LRRC4C: variants seen among roughly 807,000 people sequenced by gnomAD.
LRRC4C encodes the protein leucine-rich repeat-containing protein 4C.
A neutral mutation model predicts 33.6 loss-of-function variants in LRRC4C; 5 were observed. That is an observed-to-expected ratio of 0.15 (90% CI 0.08 to 0.31). LRRC4C has a LOEUF of 0.31. Among genes scored for constraint, LRRC4C ranks in the 10% least tolerant of loss-of-function variants. LRRC4C has a pLI of 1.00. For synonymous variants in LRRC4C, 329 were observed against 302.0 expected (o/e 1.09, Z -0.93); for missense variants, 560 against 796.7 (o/e 0.70, Z 3.58).
chr11:40,976,366 TAAGCAAGGGTTCTG>T (rs1274295970), intron 1 of LRRC4C, among the ~76,000 whole-genome samples: 1 of 152,176 alleles, frequency 6.6e-6, no homozygotes. Context: ...TGTGTATTCA[TAAGCAAGGGTTCTG>T]AAGAAAACAA....
intron 1 of LRRC4C, among the ~76,000 whole-genome samples, chr11:41,024,771 G>A (rs1856224971): frequency 6.6e-6 from 1 of 151,448 alleles, no homozygotes; most frequent in Non-Finnish European, 1.5e-5. Context: ...TTGCTTTATT[G>A]TGCTTTGCAG....
chr11:40,266,757 A>G (rs1207740058), intron 4 of LRRC4C, among the ~76,000 whole-genome samples: 1 of 152,192 alleles, frequency 6.6e-6, no homozygotes, highest in Non-Finnish European at 1.5e-5. Flanking sequence ...AAGAAAACTG[A>G]TGAAGGAAGA....
Position 40,219,037 on chromosome 11 carries a change from T to C in LRRC4C, c.-96+22482A>G, listed in dbSNP as rs182354747. 2.6e-5 allele frequency among the ~76,000 whole-genome samples: 4 copies of C among 152,280 alleles called. No homozygotes were observed. In the East Asian group the frequency reaches 7.7e-4, roughly 29 times the overall value. ...AGATGCATTTTTTGACCACTCTATT[T>C]ATAATTGCAATCACTTTTCTATGCC... On this transcript the variant is annotated intron_variant, in intron 5 of 6. Coordinates refer to ENST00000528697, the MANE Select transcript of LRRC4C (RefSeq NM_001258419.2).
chr11:40,656,009 G>A (rs1443476087), intron 2 of LRRC4C, among the ~76,000 whole-genome samples: 1 of 151,988 alleles, frequency 6.6e-6, no homozygotes, highest in South Asian at 2.1e-4. Context: ...ACAGAAAGGG[G>A]AAAATCCACA....
intron 3 of LRRC4C, among the ~76,000 whole-genome samples, chr11:40,428,807 T>A (rs967724103): frequency 3.3e-5 from 5 of 152,132 alleles, no homozygotes; most frequent in African/African-American, 1.2e-4. Flanking sequence ...CATGAAAAAA[T>A]AATCATTTGA....
intron 4 of LRRC4C, among the ~76,000 whole-genome samples, chr11:40,246,769 C>G (rs989372008): frequency 6.6e-6 from 1 of 151,866 alleles, no homozygotes; most frequent in South Asian, 2.1e-4. Context: ...TAATACAATT[C>G]ACTACTGATT....
chr11:40,506,236 T>C (rs990575401), intron 3 of LRRC4C, among the ~76,000 whole-genome samples: 6 of 152,178 alleles, frequency 3.9e-5, no homozygotes, highest in Non-Finnish European at 7.3e-5. Flanking sequence ...AAGTAGAAGT[T>C]ACTACATGCT....
chr11:40,473,682 A>G (rs1276567285), intron 3 of LRRC4C, among the ~76,000 whole-genome samples: 2 of 152,224 alleles, frequency 1.3e-5, no homozygotes, highest in East Asian at 3.9e-4. Flanking sequence ...TACAGATGAC[A>G]TGATGGTATA....
chr11:40,530,544 T>C (rs960740840), intron 3 of LRRC4C, among the ~76,000 whole-genome samples: 1 of 152,166 alleles, frequency 6.6e-6, no homozygotes, highest in Non-Finnish European at 1.5e-5. Context: ...ACAGAGCCTA[T>C]GCTCAGAGGA....
intron 3 of LRRC4C, among the ~76,000 whole-genome samples, chr11:40,512,642 G>T (rs1013757918): frequency 6.6e-6 from 1 of 152,088 alleles, no homozygotes; most frequent in African/African-American, 2.4e-5. Context: ...CTCTCCATAT[G>T]GATCATTGAC....
At chr11:41,050,831 G>A (rs986472702) in intron 1 of LRRC4C, among the ~76,000 whole-genome samples, 1 of 152,118 alleles carries the variant, frequency 6.6e-6, no homozygotes, top group African/African-American at 2.4e-5. Flanking sequence ...AAATCCCTGA[G>A]GAATTGCCAC....
chr11:41,407,037 A>AATATAC (rs1368822293), intron 1 of LRRC4C, among the ~76,000 whole-genome samples: 2 of 152,166 alleles, frequency 1.3e-5, no homozygotes, highest in Non-Finnish European at 2.9e-5. Flanking sequence ...GTGTTTTTCT[A>AATATAC]ATATACATTG....
chr11:41,051,400 T>C (rs1346451447), intron 1 of LRRC4C, among the ~76,000 whole-genome samples: 1 of 151,884 alleles, frequency 6.6e-6, no homozygotes, highest in Non-Finnish European at 1.5e-5. Flanking sequence ...GTAATTCTAC[T>C]TTACATCTGA....
intron 1 of LRRC4C, among the ~76,000 whole-genome samples, chr11:41,202,448 A>G (rs1052818048): frequency 1.3e-5 from 2 of 152,172 alleles, no homozygotes; most frequent in Admixed American, 6.5e-5. Flanking sequence ...CTCTTTTATT[A>G]TCTGTCATTT....
intron 1 of LRRC4C, chr11:41,426,612 A>G (rs1374361589): frequency 1.3e-5 from 2 of 152,192 alleles, no homozygotes; most frequent in Non-Finnish European, 2.9e-5. Flanking sequence ...TTTTCCTAAC[A>G]TATTCCTGTT....
At chr11:41,005,185 T>C (rs908375219) in intron 1 of LRRC4C, among the ~76,000 whole-genome samples, 11 of 152,168 alleles carry the variant, frequency 7.2e-5, no homozygotes, top group African/African-American at 2.7e-4. Flanking sequence ...AAATCTCATG[T>C]TGAAATGTAA....
At chr11:40,864,850 G>T (rs991901623) in intron 2 of LRRC4C, among the ~76,000 whole-genome samples, 10 of 152,196 alleles carry the variant, frequency 6.6e-5, no homozygotes, top group Non-Finnish European at 1.0e-4. Flanking sequence ...CACTCAGCAT[G>T]TAGCCCCTTC....
At chr11:40,591,352 G>A (rs914379893) in intron 3 of LRRC4C, among the ~76,000 whole-genome samples, 1 of 152,078 alleles carries the variant, frequency 6.6e-6, no homozygotes, top group African/African-American at 2.4e-5. Flanking sequence ...CACGGTGCAC[G>A]GACCCACTGA....
intron 3 of LRRC4C, among the ~76,000 whole-genome samples, chr11:40,634,565 A>G (rs1963786563): frequency 6.6e-6 from 1 of 152,118 alleles, no homozygotes; most frequent in African/African-American, 2.4e-5. Context: ...TTTAGACATA[A>G]TTTACTTTAA....
Sources: gnomAD v4.1 joint callset for allele counts (sites outside exome capture counted in the v4.1 genomes callset) on GRCh38, gnomAD v4.1.1 for gene constraint, MANE v1.5 for transcripts, NCBI Gene and HGNC (gene_info 2026-07-23, HGNC 2026-07-21) for gene names.